ATXN1: variants seen among roughly 807,000 people sequenced by gnomAD.
ATXN1 encodes the protein ataxin 1.
ATXN1 carries 8 observed loss-of-function variants against 56.4 expected under a neutral mutation model. The ratio of observed to expected loss-of-function variants is 0.14; its 90% confidence interval spans 0.08 to 0.26. The LOEUF (loss-of-function observed/expected upper bound fraction) is 0.26. ATXN1 is among the 10% of genes least tolerant of loss of function. The probability of loss-of-function intolerance (pLI) is 1.00; values close to 1 mark genes in which losing one functional copy is unlikely to be tolerated. For synonymous variants in ATXN1, 514 were observed against 494.6 expected, an observed-to-expected ratio of 1.04 and a Z score of -0.52; for missense variants, 987 against 1,106.5, an observed-to-expected ratio of 0.89 and a Z score of 1.53.
intron 6 of ATXN1, among the ~76,000 whole-genome samples, chr6:16,341,817 C>T (rs1263447662): frequency 6.6e-6 from 1 of 150,436 alleles, no homozygotes; most frequent in African/African-American, 2.4e-5. Flanking sequence ...CCGCACCCGG[C>T]TGGTATAGAG....
chr6:16,661,257 CAT>C (rs1196982917), intron 2 of ATXN1, among the ~76,000 whole-genome samples: 4 of 151,916 alleles, frequency 2.6e-5, no homozygotes, highest in East Asian at 1.9e-4. Flanking sequence ...AACATATAAA[CAT>C]GTGTTTATAC....
chr6:16,354,056 T>C (rs9477088), intron 6 of ATXN1, among the ~76,000 whole-genome samples: 10,212 of 152,182 alleles, frequency 0.067, 1,171 homozygotes, highest in African/African-American at 0.23. Flanking sequence ...TTGAAAAGTC[T>C]TGCCGGTCAC....
Position 16,454,125 on chromosome 6 carries a change from CAAAAAAAAAA to C in ATXN1, c.-161+31837_-161+31846del, listed in dbSNP as rs56277549. ...GGGCAATAAGAGCGAGACTCTGTCT[CAAAAAAAAAA>C]AAAAAAAAAAAAAAAAAAACAGAAG... is the stretch of plus-strand genomic sequence containing the variant. On this transcript the variant is annotated intron_variant, in intron 6 of 7. Coordinates refer to ENST00000436367, the MANE Select transcript of ATXN1 (RefSeq NM_001128164.2). 2.2e-4 allele frequency among the ~76,000 whole-genome samples: 17 copies of C among 76,664 alleles called. No individual in the cohort carries two copies. In the East Asian group the frequency reaches 3.5e-3, roughly 16 times the overall value. 50.3% of individuals were successfully genotyped at this position (76,664 alleles called of 152,430 possible). A position where few individuals can be genotyped will look rare whatever the true frequency, so the allele number is the denominator to read the frequency against.
At chr6:16,505,115 AG>A (rs1760958785) in intron 5 of ATXN1, among the ~76,000 whole-genome samples, 1 of 151,554 alleles carries the variant, frequency 6.6e-6, no homozygotes, top group South Asian at 2.1e-4. Context: ...CCACTGAGTG[AG>A]GGGCCCAAAC....
chr6:16,351,605 G>A (rs144867792), intron 6 of ATXN1, among the ~76,000 whole-genome samples: 4 of 152,184 alleles, frequency 2.6e-5, no homozygotes, highest in Admixed American at 2.6e-4. Flanking sequence ...GTTTCACCAT[G>A]TTGTCCAGGC....
At chr6:16,535,684 G>A (rs1462540260) in intron 4 of ATXN1, among the ~76,000 whole-genome samples, 5 of 152,194 alleles carry the variant, frequency 3.3e-5, no homozygotes, top group Non-Finnish European at 7.3e-5. Context: ...CACCCCTTAA[G>A]TGTGGGCTGT....
intron 4 of ATXN1, among the ~76,000 whole-genome samples, chr6:16,571,091 C>A (rs719421): frequency 0.46 from 69,968 of 151,490 alleles, 18,720 homozygotes; most frequent in East Asian, 0.73. Context: ...CTTGCAATTG[C>A]TATGAGAATA....
At position 16,760,016 on chromosome 6, in the gene ATXN1, A is replaced by ACACT. The variant is rs150442087; in HGVS notation, c.-730+1278_-730+1281dup. On this transcript the variant is annotated intron_variant, in intron 1 of 7. Transcript: ENST00000436367. This position sits in a 1 kb window ranked among gnomAD's most constrained non-coding sequence, Gnocchi z 5.3. ...CAAATACACACACACAGTCACTCAC[A>ACACT]CACTCACTCACACTCACGCCGCGCT... Among the ~76,000 whole-genome samples, 5,469 of 151,692 alleles carry ACACT rather than the reference A, an allele frequency of 0.036. 185 individuals carry two copies. The highest frequency in any genetic ancestry group is 0.092 in the Admixed American group (1,409 of 15,274).
rs550132379 is a variant in ATXN1 at position 16,627,981 on chromosome 6, C to A, written c.-489+29795G>T. Among the ~76,000 whole-genome samples the A allele has an allele frequency of 2.6e-5, 4 of 152,250 alleles. No individual in the cohort carries two copies. In the South Asian group the frequency reaches 6.2e-4, roughly 24 times the overall value. On this transcript the variant is annotated intron_variant, in intron 3 of 7. Transcript: ENST00000436367. ...TGATCAAAGATGTTAATGAGCCCTG[C>A]AAACAGAAATTACTACAATAGAACA...
intron 5 of ATXN1, among the ~76,000 whole-genome samples, chr6:16,503,213 T>C (rs1760916270): frequency 6.6e-6 from 1 of 152,220 alleles, no homozygotes. Flanking sequence ...CAAGTACTTC[T>C]GAAGGCAGCC....
At chr6:16,355,560 C>CTTTTT (rs11285936) in intron 6 of ATXN1, among the ~76,000 whole-genome samples, 1 of 146,784 alleles carries the variant, frequency 6.8e-6, no homozygotes. Flanking sequence ...CTCACCCACC[C>CTTTTT]TTTTTTTTTT....
chr6:16,730,227 TGAGATTGTGCCATTGC>T (rs1759938641), intron 2 of ATXN1, among the ~76,000 whole-genome samples: 1 of 152,062 alleles, frequency 6.6e-6, no homozygotes, highest in Admixed American at 6.6e-5. Context: ...TACAGTGACG[TGAGATTGTGCCATTGC>T]ACCCCAGCCT....
chr6:16,507,908 G>A (rs1394108993), intron 5 of ATXN1, among the ~76,000 whole-genome samples: 1 of 152,186 alleles, frequency 6.6e-6, no homozygotes, highest in Non-Finnish European at 1.5e-5. Flanking sequence ...AAGCAACACA[G>A]TAAGTGGTTA....
intron 6 of ATXN1, among the ~76,000 whole-genome samples, chr6:16,350,776 G>T (rs150831436): frequency 6.6e-6 from 1 of 152,224 alleles, no homozygotes; most frequent in Non-Finnish European, 1.5e-5. Flanking sequence ...CCAAGCCTTG[G>T]TTTCCTCATT....
At position 16,328,186 on chromosome 6, in the gene ATXN1, C is replaced by T. The variant is rs146653003; in HGVS notation, c.125G>A (p.Gly42Asp). 59 of 1,597,278 alleles carry T rather than the reference C, an allele frequency of 3.7e-5. No individual in the cohort carries two copies. The highest frequency in any genetic ancestry group is 5.0e-5 in the Non-Finnish European group (58 of 1,169,218). Reference protein sequence around the residue: ...TLPSDNHRVEGTAWLPGNPGG... With the variant: ...TLPSDNHRVEDTAWLPGNPGG... ...AGGGTTGCCCGGGAGCCATGCTGTG[C>T]CCTCCACCCGGTGGTTGTCGCTGGG... is the stretch of plus-strand genomic sequence containing the variant. Residue 42 changes from glycine (G) to aspartate (D), a missense_variant, in exon 7 of 8, where the codon GGC becomes GAC. By Grantham distance (94) the Gly-to-Asp change is moderately conservative. Coordinates refer to ENST00000436367, the MANE Select transcript of ATXN1 (RefSeq NM_001128164.2). The surrounding 1 kb of genome is among the most constrained non-coding windows in gnomAD (Gnocchi z 6.2).
At chr6:16,334,224 T>G (rs1761061528) in intron 6 of ATXN1, among the ~76,000 whole-genome samples, 1 of 152,184 alleles carries the variant, frequency 6.6e-6, no homozygotes, top group African/African-American at 2.4e-5. Flanking sequence ...CCGGAAGTGA[T>G]GGTACCAAAC....
chr6:16,354,264 A>AT lies in ATXN1; in HGVS notation c.-160-25795dup, dbSNP rs938841076. 2.2e-3 allele frequency among the ~76,000 whole-genome samples: 319 copies of AT among 146,540 alleles called. 1 individual carries two copies. Among genetic ancestry groups the AT allele is most frequent in the African/African-American group, 5.6e-3 (226 of 40,140 alleles). The stretch of plus-strand genomic sequence containing the variant: ...CCCTTCCTTCTATCTTATTTCACTT[A>AT]TTTTTTTTTTTGAGATGGAGTCTCG... On this transcript the variant is annotated intron_variant, in intron 6 of 7. Coordinates refer to ENST00000436367, the MANE Select transcript of ATXN1 (RefSeq NM_001128164.2).
At chr6:16,749,670 C>T (rs762553026) in intron 2 of ATXN1, among the ~76,000 whole-genome samples, 28 of 152,098 alleles carry the variant, frequency 1.8e-4, no homozygotes, top group African/African-American at 6.3e-4. Context: ...AGAAGGCAGA[C>T]GAAGGCCATG....
chr6:16,719,411 T>C (rs1759702506), intron 2 of ATXN1, among the ~76,000 whole-genome samples: 2 of 152,202 alleles, frequency 1.3e-5, no homozygotes, highest in South Asian at 4.1e-4. Context: ...TCAAGTGAAA[T>C]AATTATTGAT....
Sources: allele counts gnomAD v4.1 joint callset (sites outside exome capture counted in the v4.1 genomes callset), GRCh38; gene constraint gnomAD v4.1.1; non-coding constraint Gnocchi (gnomAD v3.1); transcripts MANE v1.5; gene names NCBI Gene and HGNC (gene_info 2026-07-23, HGNC 2026-07-21).